The following MMRN2 variants were observed in gnomAD, a reference collection of about 807,000 sequenced individuals.
MMRN2 encodes the protein multimerin 2, also known as multimerin-2.
Under a neutral mutation model 68.8 loss-of-function variants are expected in MMRN2, and 53 were observed. The observed-to-expected ratio is 0.77, with a 90% CI of 0.62 to 0.97. The LOEUF (loss-of-function observed/expected upper bound fraction) is 0.97, where lower values mean the gene tolerates loss of function less well. MMRN2 is among the 50% of genes least tolerant of loss of function. MMRN2 has a pLI of 0.00. For synonymous variants in MMRN2, 564 were observed against 551.6 expected, an observed-to-expected ratio of 1.02 and a Z score of -0.32; for missense variants, 1,266 against 1,259.5, an observed-to-expected ratio of 1.01 and a Z score of -0.08.
In MMRN2 at chr10:86,936,395, A is replaced by C. The variant is rs1843878738; in HGVS notation, c.*348T>G. ...AAGAGAAAAGTTTAAAGTGTTGTAC[A>C]GAAGTTTCCAACCACAGGAGGAGCA... On this transcript the variant is annotated 3_prime_UTR_variant, in exon 7 of 7. Coordinates refer to ENST00000372027, the MANE Select transcript of MMRN2 (RefSeq NM_024756.3). 4.3e-6 allele frequency: 2 copies of C among 468,650 alleles called. No individual in the cohort carries two copies. The highest frequency in any genetic ancestry group is 3.9e-5 in the African/African-American group (2 of 51,742). 29.0% of individuals were successfully genotyped at this position (468,650 alleles called of 1,614,324 possible).
At chr10:86,954,040 T>G (rs1844180796) in intron 1 of MMRN2, 1 of 152,726 alleles carries the variant, frequency 6.5e-6, no homozygotes, top group Non-Finnish European at 1.5e-5. Flanking sequence ...TTCCTGACCT[T>G]TGCTTTGGCT....
chr10:86,950,164 G>A (rs1290666295), intron 1 of MMRN2, among the ~76,000 whole-genome samples: 1 of 152,048 alleles, frequency 6.6e-6, no homozygotes, highest in East Asian at 1.9e-4. Flanking sequence ...GGCCAACATA[G>A]TGACACCCTG....
intron 6 of MMRN2, among the ~76,000 whole-genome samples, chr10:86,940,860 G>C (rs1286897373): frequency 6.6e-6 from 1 of 152,236 alleles, no homozygotes; most frequent in Non-Finnish European, 1.5e-5. Context: ...TTGAGACACA[G>C]AGCCTAGTTG....
rs748609993 is a variant in MMRN2 at position 86,937,010 on chromosome 10, G to A, written c.2583C>T (p.Tyr861=). Reference sequence around the variant, plus strand: ...AGACACCACGCTCAGGGGCTCGGAAGTAGCCATGTTCAGGGAAGTAGCTGC... The same window carrying A: ...AGACACCACGCTCAGGGGCTCGGAAATAGCCATGTTCAGGGAAGTAGCTGC... ...IGSSYFPEHG[Y]FRAPERGVYL... Residue 861 remains tyrosine (Y), a synonymous_variant, in exon 7 of 7, where the codon TAC becomes TAT. Coordinates refer to ENST00000372027, the MANE Select transcript of MMRN2 (RefSeq NM_024756.3). 3.7e-6 allele frequency: 6 copies of A among 1,614,238 alleles called. No homozygotes were observed. Among genetic ancestry groups the A allele is most frequent in the Non-Finnish European group, 5.1e-6 (6 of 1,180,046 alleles).
chr10:86,944,521 T>A, intron 4 of MMRN2, 86 bp from the exon 5 acceptor site: 3 of 1,477,570 alleles, frequency 2.0e-6, no homozygotes, highest in Non-Finnish European at 2.8e-6. Context: ...AGTTGAAGGC[T>A]GAGAGCAGGG....
At chr10:86,950,694 A>G (rs900515417) in intron 1 of MMRN2, among the ~76,000 whole-genome samples, 7 of 152,174 alleles carry the variant, frequency 4.6e-5, no homozygotes, top group Non-Finnish European at 8.8e-5. Flanking sequence ...ATGAGTGTAG[A>G]GAGCAGATGT....
intron 1 of MMRN2, chr10:86,945,894 G>T: frequency 7.2e-7 from 1 of 1,385,004 alleles, no homozygotes; most frequent in Non-Finnish European, 9.4e-7. Context: ...GAGGGCACCT[G>T]CTCCACCACC....
chr10:86,939,314 T>C (rs1055957515), intron 6 of MMRN2, among the ~76,000 whole-genome samples: 25 of 150,276 alleles, frequency 1.7e-4, no homozygotes, highest in African/African-American at 5.9e-4. Flanking sequence ...CTACAAAAAT[T>C]AGCTGGGCAT....
Position 86,957,377 on chromosome 10 carries a change from C to T in MMRN2, c.164+1G>A. 3.1e-6 allele frequency: 5 copies of T among 1,612,922 alleles called. No individual in the cohort carries two copies. Among genetic ancestry groups the T allele is most frequent in the Non-Finnish European group, 4.2e-6 (5 of 1,179,810 alleles). ...CTCTGCCAAGGTCCAGGCCCTCTTA[C>T]CGTCCTACGGGGTCCTTGCCGGTGT... On this transcript the variant is annotated splice_donor_variant, in intron 1 of 6. Transcript: ENST00000372027. LOFTEE classifies it high-confidence loss of function.
chr10:86,942,692 C>A lies in MMRN2; in HGVS notation c.2092G>T (p.Ala698Ser). 6.4e-7 allele frequency: 1 copy of A among 1,565,324 alleles called. No individual in the cohort carries two copies. Residue 698 changes from alanine (A) to serine (S), a missense_variant, in exon 6 of 7, where the codon GCG becomes TCG. Coordinates refer to ENST00000372027, the MANE Select transcript of MMRN2 (RefSeq NM_024756.3). ...EAATTALAGL[A>S]RELQSLSNDV... ...TTGCTCAGGCTCTGGAGCTCCCGCG[C>A]CAGCCCGGCCAGGGCGGTGGTGGCG... is the stretch of plus-strand genomic sequence containing the variant.
Position 86,952,930 on chromosome 10 carries a change from C to T in MMRN2, c.164+4448G>A, listed in dbSNP as rs544366068. On this transcript the variant is annotated intron_variant, in intron 1 of 6. Transcript: ENST00000372027. ...CAGAGCGGCCGTTTATAGACCTCCC[C>T]GCAGGAATGTAATTCTTTTCCTAGG... Among the ~76,000 whole-genome samples, 29 of 152,216 alleles carry T rather than the reference C, an allele frequency of 1.9e-4. No homozygotes were observed. The East Asian group carries it at 5.0e-3, about 26-fold the overall frequency.
chr10:86,937,117 CAG>C lies in MMRN2; in HGVS notation c.2474_2475del (p.Pro825ArgfsTer33). On this transcript the variant is annotated frameshift_variant, in exon 7 of 7. Coordinates refer to ENST00000372027, the MANE Select transcript of MMRN2 (RefSeq NM_024756.3). LOFTEE classifies it low-confidence loss of function (END_TRUNC). ...TCTGAAAAGCTGGCATAGAAGGCCACAGGGGATCCTGAAACATAACAGGACAG... is the reference window on the plus strand; with the variant it reads ...TCTGAAAAGCTGGCATAGAAGGCCACGGGATCCTGAAACATAACAGGACAG... ...LGAALWEAGS[P>X]VAFYASFSEG... 1 of 1,614,042 alleles carries C rather than the reference CAG, an allele frequency of 6.2e-7. No homozygotes were observed. The highest frequency in any genetic ancestry group is 1.1e-5 in the South Asian group (1 of 91,064).
Position 86,944,113 on chromosome 10 carries a change from G to T in MMRN2, c.671C>A (p.Ser224Tyr). The change falls in exon 6 of 7, where the codon TCC becomes TAC. Residue 224 changes from serine to tyrosine, a missense_variant. Coordinates refer to ENST00000372027, the MANE Select transcript of MMRN2 (RefSeq NM_024756.3). ...NQTGHEFPDRSLEQVLLPHVD... is the reference protein window; with the variant it reads ...NQTGHEFPDRYLEQVLLPHVD... ...GTGGGGTAGCAGCACCTGCTCCAAG[G>T]ATCTATCAGGGAACTCTGCAACAGA... 6.2e-7 allele frequency: 1 copy of T among 1,613,748 alleles called. No homozygotes were observed. The highest frequency in any genetic ancestry group is 2.2e-5 in the East Asian group (1 of 44,880).
In MMRN2 at chr10:86,945,869, A is replaced by C. The variant is rs75421431; in HGVS notation, c.165-180T>G. On this transcript the variant is annotated intron_variant, in intron 1 of 6. Transcript: ENST00000372027. ...TGGGCTCCAGAGCAAATGTTTCACA[A>C]TCCCTACCTGCAAAGAGGGCACCTG... 1.7e-3 allele frequency: 2,409 copies of C among 1,430,408 alleles called. 38 individuals are homozygous for C. The African/African-American group carries it at 0.03, about 18-fold the overall frequency. 88.6% of individuals were successfully genotyped at this position (1,430,408 alleles called of 1,614,324 possible).
At chr10:86,939,839 T>TGTG (rs1843941786) in intron 6 of MMRN2, among the ~76,000 whole-genome samples, 9 of 120,370 alleles carry the variant, frequency 7.5e-5, no homozygotes, top group Non-Finnish European at 1.1e-4. Context: ...GTGTGTGTGT[T>TGTG]TGTGTGTGTG....
Position 86,943,956 on chromosome 10 carries a change from G to C in MMRN2, c.828C>G (p.Val276=), listed in dbSNP as rs755898185. ...CAGCCCTGGCCACGGCACTGTCCTG[G>C]ACTCTGGAGATGGCCTGGCGGTTGG... The part of the protein sequence containing the change: ...VEANRQAISR[V]QDSAVARADF... Residue 276 remains valine (V), a synonymous_variant, in exon 6 of 7, where the codon GTC becomes GTG. Transcript: ENST00000372027. The surrounding 1 kb of genome is among the most constrained non-coding windows in gnomAD (Gnocchi z 4.2). 2 of 1,614,174 alleles carry C rather than the reference G, an allele frequency of 1.2e-6. No individual in the cohort carries two copies. The highest frequency in any genetic ancestry group is 1.7e-6 in the Non-Finnish European group (2 of 1,180,040).
At chr10:86,938,283 T>A (rs921637637) in intron 6 of MMRN2, among the ~76,000 whole-genome samples, 4 of 152,182 alleles carry the variant, frequency 2.6e-5, no homozygotes, top group Non-Finnish European at 5.9e-5. Context: ...AAGAAAAAGC[T>A]TATTGCTCCA....
chr10:86,945,476 C>A lies in MMRN2; in HGVS notation c.294G>T (p.Met98Ile). 1 of 1,556,840 alleles carries A rather than the reference C, an allele frequency of 6.4e-7. No homozygotes were observed. Among genetic ancestry groups the A allele is most frequent in the South Asian group, 1.2e-5 (1 of 84,940 alleles). ...ACACTGGCTTGTGGGCCATGCGGTACCTGGAAGAGGAGAAGGGCTGGCTCA... is the reference window on the plus strand; with the variant it reads ...ACACTGGCTTGTGGGCCATGCGGTAACTGGAAGAGGAGAAGGGCTGGCTCA... Reference protein sequence around the residue: ...GAPDCQKVKVMYRMAHKPVYQ... With the variant: ...GAPDCQKVKVIYRMAHKPVYQ... The change falls in exon 3 of 7, where the codon ATG (methionine) becomes ATT (isoleucine). Residue 98 changes from methionine (M) to isoleucine (I), a missense_variant and splice_region_variant. Met to Ile is a conservative substitution (Grantham distance 10). Transcript: ENST00000372027.
Position 86,945,171 on chromosome 10 carries a change from T to C in MMRN2, c.481+17A>G, listed in dbSNP as rs1030434233. 2.4e-5 allele frequency: 38 copies of C among 1,611,878 alleles called. No homozygotes were observed. The highest frequency in any genetic ancestry group is 3.1e-5 in the Non-Finnish European group (36 of 1,178,778). ...CCCACCAGCCTGCCTGCCTTCCCCT[T>C]CCGGAAAGCAACACACCAGGTTTGA... On this transcript the variant is annotated intron_variant, in intron 4 of 6. Transcript: ENST00000372027.
Sources: allele counts gnomAD v4.1 joint callset (sites outside exome capture counted in the v4.1 genomes callset), GRCh38; gene constraint gnomAD v4.1.1; non-coding constraint Gnocchi (gnomAD v3.1); transcripts MANE v1.5; gene names NCBI Gene and HGNC (gene_info 2026-07-23, HGNC 2026-07-21).